The following RFX4 variants were observed in gnomAD, a reference collection of about 807,000 sequenced individuals.
The protein encoded by RFX4 is transcription factor RFX4.
RFX4 carries 10 observed loss-of-function variants against 95.0 expected under a neutral mutation model. That is an observed-to-expected ratio of 0.11 (90% CI 0.06 to 0.18). RFX4 has a LOEUF of 0.18. Ranked by LOEUF, RFX4 falls within the 10% of genes least tolerant of loss-of-function variation. RFX4 has a pLI of 1.00. For missense variants in RFX4, 640 were observed against 922.0 expected (o/e 0.69, Z 3.96); for synonymous variants, 321 against 340.7 (o/e 0.94, Z 0.64).
chr12:106,625,855 T>C (rs1004543316), intron 2 of RFX4, among the ~76,000 whole-genome samples: 1 of 152,182 alleles, frequency 6.6e-6, no homozygotes, highest in African/African-American at 2.4e-5. Context: ...ATTTTACAGA[T>C]GAAGAAACTG....
chr12:106,666,316 C>T (rs1290436271), intron 4 of RFX4, among the ~76,000 whole-genome samples: 4 of 151,768 alleles, frequency 2.6e-5, no homozygotes, highest in East Asian at 1.9e-4. Flanking sequence ...GGATGTTTTT[C>T]GTTATCTTTG....
At chr12:106,688,254 G>C (rs2041706343) in intron 6 of RFX4, among the ~76,000 whole-genome samples, 1 of 151,962 alleles carries the variant, frequency 6.6e-6, no homozygotes, top group South Asian at 2.1e-4. Context: ...ATTTTTAGTA[G>C]AGACGGGGTT....
intron 8 of RFX4, among the ~76,000 whole-genome samples, chr12:106,706,111 C>A (rs1451584839): frequency 6.6e-6 from 1 of 152,156 alleles, no homozygotes; most frequent in African/African-American, 2.4e-5. Flanking sequence ...TAACATGGAG[C>A]TAAGCAGGTG....
At chr12:106,614,663 C>G (rs1483103804) in intron 2 of RFX4, among the ~76,000 whole-genome samples, 1 of 151,934 alleles carries the variant, frequency 6.6e-6, no homozygotes, top group Non-Finnish European at 1.5e-5. Context: ...CACCCGCCAC[C>G]ACGCCCGGCT....
chr12:106,686,460 G>A (rs554328861), intron 5 of RFX4, among the ~76,000 whole-genome samples: 2 of 151,576 alleles, frequency 1.3e-5, no homozygotes, highest in South Asian at 4.2e-4. Flanking sequence ...GAAAACACAG[G>A]CCAAATGAAT....
intron 15 of RFX4, among the ~76,000 whole-genome samples, chr12:106,744,019 A>G (rs2042851430): frequency 6.6e-6 from 1 of 152,238 alleles, no homozygotes; most frequent in African/African-American, 2.4e-5. Context: ...AAAATAAGGG[A>G]AAACACTGTA....
At chr12:106,641,712 A>G (rs2040626235) in intron 3 of RFX4, among the ~76,000 whole-genome samples, 1 of 152,198 alleles carries the variant, frequency 6.6e-6, no homozygotes, top group Admixed American at 6.5e-5. Context: ...ATATTCGCCT[A>G]TTCTTATCAA....
intron 4 of RFX4, among the ~76,000 whole-genome samples, chr12:106,669,629 C>G (rs1476474316): frequency 6.6e-6 from 1 of 151,996 alleles, no homozygotes; most frequent in Non-Finnish European, 1.5e-5. Flanking sequence ...CACCCCTGAA[C>G]TGACACAGCA....
At chr12:106,664,120 T>C (rs2041128291) in intron 4 of RFX4, among the ~76,000 whole-genome samples, 1 of 151,882 alleles carries the variant, frequency 6.6e-6, no homozygotes, top group Admixed American at 6.6e-5. Flanking sequence ...TGAAAGAGAT[T>C]GTAAAGAATT....
At chr12:106,623,626 C>A (rs1175112800) in intron 2 of RFX4, among the ~76,000 whole-genome samples, 2 of 152,188 alleles carry the variant, frequency 1.3e-5, no homozygotes, top group Non-Finnish European at 2.9e-5. Context: ...AGGGAAAAAA[C>A]CACTCTGCTT....
At chr12:106,592,456 T>C (rs1047210612) in intron 1 of RFX4, among the ~76,000 whole-genome samples, 2 of 152,222 alleles carry the variant, frequency 1.3e-5, no homozygotes, top group Admixed American at 1.3e-4. Context: ...AGGCAACACC[T>C]GTGGGCTTGA....
At chr12:106,704,346 C>G (rs1035660032) in intron 8 of RFX4, among the ~76,000 whole-genome samples, 1 of 152,200 alleles carries the variant, frequency 6.6e-6, no homozygotes, top group African/African-American at 2.4e-5. Flanking sequence ...CTACTGCAAT[C>G]TTAGCCTGCA....
intron 1 of RFX4, among the ~76,000 whole-genome samples, chr12:106,605,763 A>G (rs1013425235): frequency 6.6e-6 from 1 of 152,200 alleles, no homozygotes; most frequent in African/African-American, 2.4e-5. Flanking sequence ...TGGTGAAATG[A>G]TGGTTGTCTT....
At chr12:106,706,982 C>A (rs891423519) in intron 8 of RFX4, among the ~76,000 whole-genome samples, 4 of 152,064 alleles carry the variant, frequency 2.6e-5, no homozygotes, top group South Asian at 2.1e-4. Context: ...TGTATTTAAA[C>A]CTTGCCAGTG....
chr12:106,729,805 T>A (rs529052805), intron 13 of RFX4, among the ~76,000 whole-genome samples: 1 of 152,230 alleles, frequency 6.6e-6, no homozygotes, highest in Non-Finnish European at 1.5e-5. Context: ...GTGGCAGAGC[T>A]AGGATCTCAA....
intron 2 of RFX4, among the ~76,000 whole-genome samples, chr12:106,612,059 C>T (rs1441303226): frequency 1.2e-4 from 18 of 151,986 alleles, no homozygotes; most frequent in Admixed American, 1.2e-3. Context: ...TCATGTTCTT[C>T]TTTTTCAAGA....
chr12:106,728,823 G>C (rs577497125), intron 13 of RFX4, among the ~76,000 whole-genome samples: 1 of 152,320 alleles, frequency 6.6e-6, no homozygotes, highest in East Asian at 1.9e-4. Context: ...TGTGGAGTCT[G>C]AGACTGAGCT....
Position 106,720,840 on chromosome 12 carries a change from A to G in RFX4, c.1315A>G (p.Ile439Val), listed in dbSNP as rs1405145930. 6.2e-6 allele frequency: 10 copies of G among 1,613,110 alleles called. No homozygotes were observed. Among genetic ancestry groups the G allele is most frequent in the Non-Finnish European group, 8.5e-6 (10 of 1,180,032 alleles). The change falls in exon 13 of 18, where the codon ATC becomes GTC. Residue 439 changes from isoleucine to valine, a missense_variant. Coordinates refer to ENST00000392842, the MANE Select transcript of RFX4 (RefSeq NM_213594.3). This position sits in a 1 kb window ranked among gnomAD's most constrained non-coding sequence, Gnocchi z 4.2. Reference sequence around the variant, plus strand: ...GTGGTCCTGTTTCGGCACAAGGGTGATCCGGGACATGACCTTGCACAGCGC... The same window carrying G: ...GTGGTCCTGTTTCGGCACAAGGGTGGTCCGGGACATGACCTTGCACAGCGC... ...LMWSCFGTRV[I>V]RDMTLHSAPS...
At chr12:106,645,473 A>C (rs1043337943) in intron 3 of RFX4, among the ~76,000 whole-genome samples, 1 of 151,934 alleles carries the variant, frequency 6.6e-6, no homozygotes, top group Non-Finnish European at 1.5e-5. Context: ...AAAAAGGAGG[A>C]CAGAAGATCA....
Sources: gnomAD v4.1 joint callset for allele counts (sites outside exome capture counted in the v4.1 genomes callset) on GRCh38, gnomAD v4.1.1 for gene constraint, Gnocchi (gnomAD v3.1) non-coding constraint, MANE v1.5 for transcripts, NCBI Gene and HGNC (gene_info 2026-07-23, HGNC 2026-07-21) for gene names.